MMP26: variants seen among roughly 807,000 people sequenced by gnomAD.
MMP26 encodes matrix metalloproteinase-26.
Under a neutral mutation model 31.0 loss-of-function variants are expected in MMP26, and 33 were observed. That is an observed-to-expected ratio of 1.06 (90% CI 0.81 to 1.42). The LOEUF (loss-of-function observed/expected upper bound fraction) is 1.42. MMP26 is among the 40% of genes most tolerant of loss of function. The probability of loss-of-function intolerance (pLI) is 0.00; values close to 1 mark genes in which losing one functional copy is unlikely to be tolerated. For synonymous variants in MMP26, 122 were observed against 114.9 expected (o/e 1.06, Z -0.40); for missense variants, 347 against 316.1 (o/e 1.10, Z -0.74).
intron 2 of MMP26, among the ~76,000 whole-genome samples, chr11:4,805,830 C>CT (rs1202278940): frequency 6.6e-6 from 1 of 152,116 alleles, no homozygotes; most frequent in African/African-American, 2.4e-5. Context: ...TTATTCCACT[C>CT]TTTGAGTTTT....
chr11:4,872,733 C>A (rs145721897), intron 2 of MMP26, among the ~76,000 whole-genome samples: 2 of 151,988 alleles, frequency 1.3e-5, no homozygotes, highest in Non-Finnish European at 1.5e-5. Context: ...AAGTTCAATA[C>A]TACATAGAAG....
intron 2 of MMP26, among the ~76,000 whole-genome samples, chr11:4,983,551 T>C (rs931936135): frequency 6.6e-6 from 1 of 152,194 alleles, no homozygotes; most frequent in Non-Finnish European, 1.5e-5. Flanking sequence ...CAAAATCTGC[T>C]AGGAGAGGTC....
intron 2 of MMP26, among the ~76,000 whole-genome samples, chr11:4,840,132 G>C (rs1849774394): frequency 2.0e-5 from 3 of 152,048 alleles, no homozygotes; most frequent in Admixed American, 2.0e-4. Flanking sequence ...TGTATCTTGT[G>C]ATGTGAGTGC....
At chr11:4,758,466 G>GAAAAAAAAA (rs376347621) in intron 1 of MMP26, among the ~76,000 whole-genome samples, 1 of 93,346 alleles carries the variant, frequency 1.1e-5, no homozygotes, top group Non-Finnish European at 2.3e-5. Context: ...CATCCATTTG[G>GAAAAAAAAA]AAAAAAAAAA....
At chr11:4,930,100 G>A (rs568479992) in intron 2 of MMP26, among the ~76,000 whole-genome samples, 1 of 152,012 alleles carries the variant, frequency 6.6e-6, no homozygotes, top group Non-Finnish European at 1.5e-5. Context: ...AACCAAATTA[G>A]GACATTTTGT....
rs554018026 is a variant in MMP26 at position 4,858,650 on chromosome 11, A to G, written c.-145+91309A>G. 5.8e-4 allele frequency among the ~76,000 whole-genome samples: 89 copies of G among 152,370 alleles called. 1 individual carries two copies. Among genetic ancestry groups the G allele is most frequent in the Admixed American group, 3.1e-3 (47 of 15,308 alleles). ...ATCATAAAAATGGCCATACTGCCCA[A>G]AGTAATTTATAGATTCAATGCCATC... On this transcript the variant is annotated intron_variant, in intron 2 of 7. Transcript: ENST00000380390.
At chr11:4,780,675 A>G (rs944666829) in intron 2 of MMP26, among the ~76,000 whole-genome samples, 3 of 152,178 alleles carry the variant, frequency 2.0e-5, no homozygotes, top group African/African-American at 7.2e-5. Flanking sequence ...AAAGCTAAAC[A>G]TGCAGTTAGC....
In MMP26 at chr11:4,924,193, G is replaced by A. The variant is rs199614723; in HGVS notation, c.-144-63875G>A. On this transcript the variant is annotated intron_variant, in intron 2 of 7. Coordinates refer to ENST00000380390, the MANE Select transcript of MMP26 (RefSeq NM_021801.5). ...GGAGAGTGGCATCAGTACAAATGAC[G>A]TGGAGAATGGTGAGGTTCCCCAAGA... is the stretch of plus-strand genomic sequence containing the variant. The A allele has an allele frequency of 9.2e-5, 148 of 1,614,152 alleles. No individual in the cohort carries two copies. In the Middle Eastern group the frequency reaches 1.3e-3, roughly 14 times the overall value.
chr11:4,910,418 A>G (rs1361427851), intron 2 of MMP26, among the ~76,000 whole-genome samples: 1 of 152,134 alleles, frequency 6.6e-6, no homozygotes, highest in African/African-American at 2.4e-5. Context: ...GTAAAGTAAT[A>G]TATTTACAAG....
At chr11:4,965,693 G>T (rs1433911756) in intron 2 of MMP26, among the ~76,000 whole-genome samples, 6 of 152,152 alleles carry the variant, frequency 3.9e-5, no homozygotes, top group Non-Finnish European at 5.9e-5. Flanking sequence ...TGGGGAATTT[G>T]TTCTTTCGTT....
chr11:4,949,115 T>C (rs1846347135), intron 2 of MMP26, among the ~76,000 whole-genome samples: 1 of 124,956 alleles, frequency 8.0e-6, no homozygotes, highest in Non-Finnish European at 1.8e-5. Context: ...GGCAGTGCAT[T>C]ACTATCATGG....
At chr11:4,872,647 A>G (rs1024750341) in intron 2 of MMP26, among the ~76,000 whole-genome samples, 7 of 152,088 alleles carry the variant, frequency 4.6e-5, no homozygotes, top group Non-Finnish European at 1.5e-5. Flanking sequence ...CTTTAAGAGT[A>G]TAGTATGCTC....
At chr11:4,938,132 GCT>G (rs1846155440) in intron 2 of MMP26, 1 of 152,142 alleles carries the variant, frequency 6.6e-6, no homozygotes, top group Non-Finnish European at 1.5e-5. Context: ...TGGAGGCTTT[GCT>G]CTGTCTTGAT....
intron 2 of MMP26, chr11:4,919,256 G>T (rs562274721): frequency 9.2e-5 from 14 of 152,192 alleles, no homozygotes; most frequent in African/African-American, 3.4e-4. Flanking sequence ...CTCGGGCTCA[G>T]CCTTCTGGGA....
In MMP26 at chr11:4,838,315, T is replaced by TA. The variant is rs540572047; in HGVS notation, c.-145+71015dup. On this transcript the variant is annotated intron_variant, in intron 2 of 7. Transcript: ENST00000380390. ...CCAGGGCACAGGGCAAGACTCTGTCTAAAAAAAAAAAAAAAAAAAAAAAAA... is the reference window on the plus strand; with the variant it reads ...CCAGGGCACAGGGCAAGACTCTGTCTAAAAAAAAAAAAAAAAAAAAAAAAAA... 3.2e-3 allele frequency among the ~76,000 whole-genome samples: 88 copies of TA among 27,416 alleles called. 24 individuals carry two copies. The highest frequency in any genetic ancestry group is 5.3e-3 in the Non-Finnish European group (53 of 9,952). The allele number at this position is 27,416 out of a possible 152,430, so 18.0% of individuals were successfully genotyped here.
intron 2 of MMP26, chr11:4,822,030 T>A (rs755639734): frequency 1.5e-5 from 25 of 1,613,848 alleles, no homozygotes; most frequent in Non-Finnish European, 2.1e-5. Context: ...TTGGTCTGTT[T>A]GCGCTTTTGT....
intron 2 of MMP26, among the ~76,000 whole-genome samples, chr11:4,980,354 G>T (rs1298229134): frequency 6.6e-6 from 1 of 152,056 alleles, no homozygotes; most frequent in African/African-American, 2.4e-5. Context: ...AGAGTCCACA[G>T]TTGTGAGGGC....
intron 2 of MMP26, among the ~76,000 whole-genome samples, chr11:4,962,301 A>G (rs1188434406): frequency 6.6e-6 from 1 of 152,196 alleles, no homozygotes; most frequent in Non-Finnish European, 1.5e-5. Flanking sequence ...TCTGTATTTC[A>G]ATTAAGTGAT....
At chr11:4,801,337 G>T (rs80078252) in intron 2 of MMP26, among the ~76,000 whole-genome samples, 2,250 of 152,156 alleles carry the variant, frequency 0.015, 62 homozygotes, top group African/African-American at 0.051. Context: ...ATAAAGAAAA[G>T]TTTAATTAGG....
Sources: gnomAD v4.1 joint callset for allele counts (sites outside exome capture counted in the v4.1 genomes callset) on GRCh38, gnomAD v4.1.1 for gene constraint, MANE v1.5 for transcripts, NCBI Gene and HGNC (gene_info 2026-07-23, HGNC 2026-07-21) for gene names.